The following KIAA0753 variants were observed in gnomAD, a reference collection of about 807,000 sequenced individuals.
KIAA0753 encodes protein moonraker.
KIAA0753 carries 114 observed loss-of-function variants against 116.9 expected under a neutral mutation model. The ratio of observed to expected loss-of-function variants is 0.98; its 90% CI spans 0.84 to 1.14. The LOEUF is 1.14. KIAA0753 is among the 50% of genes most tolerant of loss of function. KIAA0753 has a pLI of 0.00. For synonymous variants in KIAA0753, 405 were observed against 413.1 expected (o/e 0.98, Z 0.24); for missense variants, 1,156 against 1,172.4 (o/e 0.99, Z 0.20).
chr17:6,583,216 T>C (rs921510936), intron 18 of KIAA0753, among the ~76,000 whole-genome samples: 1 of 152,370 alleles, frequency 6.6e-6, no homozygotes, highest in African/African-American at 2.4e-5. Context: ...CGTTTGGAAT[T>C]TTAAAAGATG....
At position 6,623,699 on chromosome 17, in the gene KIAA0753, A is replaced by T. The variant is rs558118008; in HGVS notation, c.826-128T>A. Reference sequence around the variant, plus strand: ...TATTAATTCAAGTCACTTGAAAATGAAAAAAAGGCTCTTCATTCATGCACC... The same window carrying T: ...TATTAATTCAAGTCACTTGAAAATGTAAAAAAGGCTCTTCATTCATGCACC... On this transcript the variant is annotated intron_variant, in intron 4 of 18. Transcript: ENST00000361413. 29 of 1,317,982 alleles carry T rather than the reference A, an allele frequency of 2.2e-5. No homozygotes were observed. The African/African-American group carries it at 2.9e-4, about 13-fold the overall frequency. 81.6% of individuals were successfully genotyped at this position (1,317,982 alleles called of 1,614,324 possible). A position where few individuals can be genotyped will look rare whatever the true frequency, so the allele number is the denominator to read the frequency against.
At chr17:6,586,195 G>A (rs561971210) in intron 18 of KIAA0753, among the ~76,000 whole-genome samples, 112 of 152,176 alleles carry the variant, frequency 7.4e-4, no homozygotes, top group African/African-American at 2.4e-3. Flanking sequence ...CTGCCATGAC[G>A]GTACGTTTCC....
intron 7 of KIAA0753, among the ~76,000 whole-genome samples, chr17:6,616,719 G>T (rs1970958498): frequency 6.6e-6 from 1 of 152,172 alleles, no homozygotes; most frequent in Admixed American, 6.5e-5. Flanking sequence ...CCAGCTATTT[G>T]GGAGGCTGAG....
chr17:6,604,258 T>C (rs1970054146), intron 12 of KIAA0753, among the ~76,000 whole-genome samples: 1 of 151,756 alleles, frequency 6.6e-6, no homozygotes, highest in African/African-American at 2.4e-5. Context: ...TTTTTTTTTT[T>C]TGAGACAGGG....
At position 6,628,739 on chromosome 17, in the gene KIAA0753, G is replaced by T. The variant is rs1305759128; in HGVS notation, c.96C>A (p.Asn32Lys). ...GAACATTCCTATTAAACTGCAGCTG[G>T]TTCTTTAAAAAGCAAATAAAAGTAA... ...RSDPKVLQTQ[N>K]QLQFNRNVPT... Residue 32 changes from asparagine (N) to lysine (K), a missense_variant and splice_region_variant, in exon 3 of 19, where the codon AAC becomes AAA. Asn to Lys is a moderately conservative substitution (Grantham distance 94). Coordinates refer to ENST00000361413, the MANE Select transcript of KIAA0753 (RefSeq NM_014804.3). The T allele has an allele frequency of 1.9e-6, 3 of 1,580,976 alleles. No individual in the cohort carries two copies. The highest frequency in any genetic ancestry group is 2.6e-6 in the Non-Finnish European group (3 of 1,164,628).
intron 3 of KIAA0753, 133 bp from the exon 4 acceptor site, chr17:6,624,994 T>A (rs1971573331): frequency 1.6e-6 from 1 of 634,358 alleles, no homozygotes; most frequent in Non-Finnish European, 2.7e-6. Context: ...GAGGCTATCA[T>A]AACAGAAAAT....
At chr17:6,607,496 C>T (rs956073457) in intron 10 of KIAA0753, among the ~76,000 whole-genome samples, 2 of 152,168 alleles carry the variant, frequency 1.3e-5, no homozygotes, top group African/African-American at 2.4e-5. Context: ...CTGTCTCAAA[C>T]GTTCTCAAGA....
At chr17:6,629,662 C>T (rs1185844268) in intron 2 of KIAA0753, among the ~76,000 whole-genome samples, 1 of 152,160 alleles carries the variant, frequency 6.6e-6, no homozygotes, top group Non-Finnish European at 1.5e-5. Flanking sequence ...AGAATCCATG[C>T]CTACAAATTC....
At chr17:6,621,470 A>G (rs920408477) in intron 6 of KIAA0753, among the ~76,000 whole-genome samples, 1 of 152,190 alleles carries the variant, frequency 6.6e-6, no homozygotes, top group Admixed American at 6.5e-5. Context: ...TCCTAAAAAA[A>G]GGCATTTCCT....
chr17:6,628,043 G>T, intron 3 of KIAA0753, 74 bp downstream of exon 3: 1 of 1,388,044 alleles, frequency 7.2e-7, no homozygotes, highest in Non-Finnish European at 9.9e-7. Flanking sequence ...GGGGTTGAGG[G>T]TCCTCAAGGA....
chr17:6,612,240 T>C (rs1457619258), intron 7 of KIAA0753, 92 bp from the exon 8 acceptor site: 2 of 889,164 alleles, frequency 2.2e-6, no homozygotes, highest in African/African-American at 3.3e-5. Flanking sequence ...AGGCTCCAAA[T>C]ACCTATCCTA....
chr17:6,612,116 T>G lies in KIAA0753; in HGVS notation c.1348A>C (p.Thr450Pro). 6.2e-7 allele frequency: 1 copy of G among 1,614,136 alleles called. No individual in the cohort carries two copies. Among genetic ancestry groups the G allele is most frequent in the Non-Finnish European group, 8.5e-7 (1 of 1,179,966 alleles). The change falls in exon 8 of 19, where the codon ACC (threonine) becomes CCC (proline). Residue 450 changes from threonine (T) to proline (P), a missense_variant. Coordinates refer to ENST00000361413, the MANE Select transcript of KIAA0753 (RefSeq NM_014804.3). ...TCAAGCTCACTCTGCAACCTCTGGG[T>G]CTCCGGAAGCTCCGTATCGGGCTGA... ...KYQPDTELPETQRLQSELDVL... is the reference protein window; with the variant it reads ...KYQPDTELPEPQRLQSELDVL...
chr17:6,595,758 T>C (rs1969422623), intron 15 of KIAA0753, among the ~76,000 whole-genome samples: 1 of 152,348 alleles, frequency 6.6e-6, no homozygotes, highest in East Asian at 1.9e-4. Flanking sequence ...ATCTGTGATT[T>C]GATAGGATCA....
intron 16 of KIAA0753, 91 bp from the exon 17 acceptor site, chr17:6,590,721 G>T: frequency 7.1e-7 from 1 of 1,401,316 alleles, no homozygotes; most frequent in Non-Finnish European, 1.0e-6. Context: ...CTGAGAGCAA[G>T]TTACATGGAC....
chr17:6,605,805 A>G (rs1001970751), intron 12 of KIAA0753, among the ~76,000 whole-genome samples: 14 of 152,162 alleles, frequency 9.2e-5, no homozygotes, highest in Non-Finnish European at 1.9e-4. Flanking sequence ...TGGTGCGTGG[A>G]TGTTCATTCT....
intron 12 of KIAA0753, among the ~76,000 whole-genome samples, chr17:6,601,939 A>G (rs1969902556): frequency 6.6e-6 from 1 of 152,212 alleles, no homozygotes; most frequent in Non-Finnish European, 1.5e-5. Context: ...CAGAAAATAC[A>G]AAGAACTCAA....
rs747045906 is a variant in KIAA0753 at position 6,623,088 on chromosome 17, T to C, written c.898A>G (p.Met300Val). 3.1e-6 allele frequency: 5 copies of C among 1,612,968 alleles called. No homozygotes were observed. Among genetic ancestry groups the C allele is most frequent in the South Asian group, 2.2e-5 (2 of 90,992 alleles). The change falls in exon 6 of 19, where the codon ATG (methionine) becomes GTG (valine). Residue 300 changes from methionine (M) to valine (V), a missense_variant. By Grantham distance (21) the Met-to-Val change is conservative (BLOSUM62 1). Transcript: ENST00000361413. ...CGATGGGCAGCCGCCAGCTTAGACATTGCCCATGACTGGTAATAAACAAGA... is the reference window on the plus strand; with the variant it reads ...CGATGGGCAGCCGCCAGCTTAGACACTGCCCATGACTGGTAATAAACAAGA... ...KIKHTKKSWAMSKLAAAHRGA... is the reference protein window; with the variant it reads ...KIKHTKKSWAVSKLAAAHRGA...
rs199555049 is a variant in KIAA0753, at chr17:6,620,817, C to T, written c.1286G>A (p.Arg429Gln). ...AAGAAGCTGCTTTGCTACAGAAGGTCGACTTGTTTCCTGTGGGAATGTGTC... is the reference window on the plus strand; with the variant it reads ...AAGAAGCTGCTTTGCTACAGAAGGTTGACTTGTTTCCTGTGGGAATGTGTC... Reference protein sequence around the residue: ...AKDTFPQETSRPSVAKQLLAD... With the variant: ...AKDTFPQETSQPSVAKQLLAD... The change falls in exon 7 of 19, where the codon CGA becomes CAA. Residue 429 changes from arginine (R) to glutamine (Q), a missense_variant. Coordinates refer to ENST00000361413, the MANE Select transcript of KIAA0753 (RefSeq NM_014804.3). The T allele has an allele frequency of 7.6e-5, 123 of 1,614,000 alleles. 1 individual carries two copies. The highest frequency in any genetic ancestry group is 2.2e-5 in the South Asian group (2 of 91,086).
intron 7 of KIAA0753, among the ~76,000 whole-genome samples, chr17:6,616,733 GGA>G (rs1209582521): frequency 6.6e-6 from 1 of 152,236 alleles, no homozygotes; most frequent in African/African-American, 2.4e-5. Context: ...GGCTGAGGCA[GGA>G]GAATCGCTTG....
Sources: allele counts gnomAD v4.1 joint callset (sites outside exome capture counted in the v4.1 genomes callset), GRCh38; gene constraint gnomAD v4.1.1; transcripts MANE v1.5; gene names NCBI Gene and HGNC (gene_info 2026-07-23, HGNC 2026-07-21).